PCDHA9: variants seen among roughly 807,000 people sequenced by gnomAD.
PCDHA9 encodes the protein protocadherin alpha-9.
A neutral mutation model predicts 62.0 loss-of-function variants in PCDHA9; 62 were observed. The observed-to-expected ratio is 1.00, with a 90% CI of 0.81 to 1.23. PCDHA9 has a LOEUF of 1.23. PCDHA9 is among the 50% of genes most tolerant of loss of function. The probability of loss-of-function intolerance (pLI) is 0.00; values close to 1 mark genes in which losing one functional copy is unlikely to be tolerated. For missense variants in PCDHA9, 1,205 were observed against 1,249.8 expected (o/e 0.96, Z 0.54); for synonymous variants, 557 against 567.6 (o/e 0.98, Z 0.27).
At chr5:140,931,779 T>G (rs1298337220) in intron 1 of PCDHA9, among the ~76,000 whole-genome samples, 1 of 152,006 alleles carries the variant, frequency 6.6e-6, no homozygotes, top group African/African-American at 2.4e-5. Context: ...CCTGTTCAAT[T>G]ACCTATTGAT....
intron 3 of PCDHA9, among the ~76,000 whole-genome samples, chr5:140,999,763 T>C (rs1475737646): frequency 2.0e-5 from 3 of 152,200 alleles, no homozygotes; most frequent in African/African-American, 7.2e-5. Flanking sequence ...ACATGATGTC[T>C]TTATACTCTT....
intron 1 of PCDHA9, among the ~76,000 whole-genome samples, chr5:140,945,559 A>T (rs1365534966): frequency 6.6e-6 from 1 of 152,096 alleles, no homozygotes; most frequent in Non-Finnish European, 1.5e-5. Flanking sequence ...GAAGCTGAAG[A>T]CATCATACTA....
chr5:140,985,899 C>T (rs1303947192), intron 3 of PCDHA9, among the ~76,000 whole-genome samples: 2 of 152,020 alleles, frequency 1.3e-5, no homozygotes, highest in African/African-American at 4.8e-5. Flanking sequence ...GCCACCACTC[C>T]CGTCTAATTT....
At chr5:140,908,429 G>A (rs575934093) in intron 1 of PCDHA9, among the ~76,000 whole-genome samples, 1 of 152,280 alleles carries the variant, frequency 6.6e-6, no homozygotes, top group African/African-American at 2.4e-5. Flanking sequence ...ATGCTGCTGT[G>A]CGCACCCCAC....
intron 1 of PCDHA9, among the ~76,000 whole-genome samples, chr5:140,957,031 TG>T (rs1436652232): frequency 6.6e-6 from 1 of 152,182 alleles, no homozygotes; most frequent in Non-Finnish European, 1.5e-5. Flanking sequence ...TAGATATTTA[TG>T]GGAGTCATAT....
At chr5:140,971,292 T>C (rs1194622162) in intron 1 of PCDHA9, among the ~76,000 whole-genome samples, 1 of 152,210 alleles carries the variant, frequency 6.6e-6, no homozygotes, top group Non-Finnish European at 1.5e-5. Flanking sequence ...TAATATGTAC[T>C]TTGGTACACA....
At chr5:140,870,611 T>C in intron 1 of PCDHA9, 1 of 1,613,258 alleles carries the variant, frequency 6.2e-7, no homozygotes, top group Non-Finnish European at 8.5e-7. Flanking sequence ...GACCGCGCGC[T>C]GTCGAGCTAC....
chr5:140,910,381 TG>T (rs2075003327), intron 1 of PCDHA9, among the ~76,000 whole-genome samples: 1 of 152,188 alleles, frequency 6.6e-6, no homozygotes, highest in Admixed American at 6.5e-5. Context: ...ACCTTGCCTT[TG>T]ACAGTTGACT....
intron 1 of PCDHA9, among the ~76,000 whole-genome samples, chr5:140,898,149 C>T (rs552851488): frequency 4.6e-4 from 70 of 152,244 alleles, no homozygotes; most frequent in African/African-American, 1.6e-3. Flanking sequence ...TGCCTGTTCA[C>T]GCTGATGGTG....
At chr5:140,877,002 G>A (rs374546473) in intron 1 of PCDHA9, 96 of 1,612,426 alleles carry the variant, frequency 6.0e-5, no homozygotes, top group Non-Finnish European at 8.0e-5. Flanking sequence ...ACGTGTCGGT[G>A]CACGCGGAGA....
At chr5:140,917,941 T>C (rs1415827294) in intron 1 of PCDHA9, among the ~76,000 whole-genome samples, 1 of 152,146 alleles carries the variant, frequency 6.6e-6, no homozygotes, top group Non-Finnish European at 1.5e-5. Flanking sequence ...ATAATATTGG[T>C]AGTTTGATAG....
At chr5:140,856,540 C>T (rs1554148838) in intron 1 of PCDHA9, 1 of 1,598,278 alleles carries the variant, frequency 6.3e-7, no homozygotes, top group Non-Finnish European at 8.6e-7. Context: ...TTGGAGAGAA[C>T]GCATTGCTTA....
chr5:140,883,970 C>A (rs1554180846), intron 1 of PCDHA9: 1 of 1,612,990 alleles, frequency 6.2e-7, no homozygotes, highest in South Asian at 1.1e-5. Context: ...GCTGCTGACG[C>A]CCGGGGCTGG....
At chr5:140,933,592 G>T (rs1034374854) in intron 1 of PCDHA9, among the ~76,000 whole-genome samples, 2 of 151,986 alleles carry the variant, frequency 1.3e-5, no homozygotes, top group Non-Finnish European at 2.9e-5. Context: ...TTTTTAGGTT[G>T]ATTTGTCTTT....
In PCDHA9 at chr5:140,857,008, T is replaced by C. The variant is rs2044317901; in HGVS notation, c.2394+6119T>C. On this transcript the variant is annotated intron_variant, in intron 1 of 3. Transcript: ENST00000532602. The stretch of plus-strand genomic sequence containing the variant: ...GTAACACTTATGAAATTCATGTAGA[T>C]GTTACAGATAAGGGAAACCCACCTA... 4 of 1,595,746 alleles carry C rather than the reference T, an allele frequency of 2.5e-6. 1 individual carries two copies. Among genetic ancestry groups the C allele is most frequent in the Non-Finnish European group, 3.4e-6 (4 of 1,165,590 alleles).
rs138197407 is a variant in PCDHA9, at chr5:140,857,304, C to T, written c.2394+6415C>T. On this transcript the variant is annotated intron_variant, in intron 1 of 3. Coordinates refer to ENST00000532602, the MANE Select transcript of PCDHA9 (RefSeq NM_031857.2). The stretch of plus-strand genomic sequence containing the variant: ...GCTCTGGACCGCGAGAGGGTGTCGG[C>T]CTATGAGCTGGTGGTGACCGCGCGG... 1.9e-5 allele frequency: 30 copies of T among 1,598,646 alleles called. No homozygotes were observed. In the African/African-American group the frequency reaches 3.6e-4, roughly 19 times the overall value.
chr5:140,895,786 A>G (rs2065159984), intron 1 of PCDHA9, among the ~76,000 whole-genome samples: 2 of 152,080 alleles, frequency 1.3e-5, no homozygotes, highest in Non-Finnish European at 2.9e-5. Context: ...GTATTCAATG[A>G]CGTATATGTA....
chr5:140,857,185 A>T (rs782245615), intron 1 of PCDHA9: 1 of 1,598,506 alleles, frequency 6.3e-7, no homozygotes, highest in South Asian at 1.1e-5. Flanking sequence ...ATGATTCAGG[A>T]GCCAACGGAC....
chr5:140,958,546 C>A (rs1366018855), intron 1 of PCDHA9, among the ~76,000 whole-genome samples: 3 of 152,034 alleles, frequency 2.0e-5, no homozygotes, highest in Non-Finnish European at 4.4e-5. Context: ...ATTTATGAAC[C>A]AATAAATGTT....
Sources: gnomAD v4.1 joint callset for allele counts (sites outside exome capture counted in the v4.1 genomes callset) on GRCh38, gnomAD v4.1.1 for gene constraint, MANE v1.5 for transcripts, NCBI Gene and HGNC (gene_info 2026-07-23, HGNC 2026-07-21) for gene names.